SLC30A7: variants seen among roughly 807,000 people sequenced by gnomAD.
SLC30A7 encodes the protein solute carrier family 30 member 7, also known as zinc transporter 7.
In SLC30A7, 35 loss-of-function variants were observed where a neutral mutation model predicts 46.0. The observed-to-expected ratio is 0.76, with a 90% confidence interval of 0.58 to 1.01. The LOEUF (loss-of-function observed/expected upper bound fraction) is 1.01. Among genes scored for constraint, SLC30A7 ranks in the 50% least tolerant of loss-of-function variants. The pLI is 0.00. For synonymous variants in SLC30A7, 147 were observed against 157.8 expected, an observed-to-expected ratio of 0.93 and a Z score of 0.51; for missense variants, 464 against 451.1, an observed-to-expected ratio of 1.03 and a Z score of -0.26.
chr1:100,965,937 CT>C lies in SLC30A7; in HGVS notation c.1083+21del. 6.3e-7 allele frequency: 1 copy of C among 1,591,966 alleles called. No individual in the cohort carries two copies. Among genetic ancestry groups the C allele is most frequent in the Admixed American group, 1.8e-5 (1 of 54,626 alleles). On this transcript the variant is annotated intron_variant, in intron 10 of 10. Coordinates refer to ENST00000357650, the MANE Select transcript of SLC30A7 (RefSeq NM_133496.5). ...TACTCAGGTATGTCTTTTTTACTAA[CT>C]TCTTTTAAGGGCCTTAACATTTTTT...
intron 2 of SLC30A7, among the ~76,000 whole-genome samples, chr1:100,899,518 C>T (rs895214737): frequency 1.7e-4 from 26 of 152,156 alleles, no homozygotes; most frequent in African/African-American, 5.3e-4. Flanking sequence ...GTATCATCTA[C>T]GGTTAAGTTT....
intron 2 of SLC30A7, among the ~76,000 whole-genome samples, chr1:100,905,639 C>T (rs1358787155): frequency 6.6e-6 from 1 of 151,988 alleles, no homozygotes; most frequent in African/African-American, 2.4e-5. Flanking sequence ...CTTTGTTTAA[C>T]TTCTTTTGAC....
intron 8 of SLC30A7, among the ~76,000 whole-genome samples, chr1:100,959,924 C>T (rs369943361): frequency 9.0e-4 from 136 of 151,872 alleles, no homozygotes; most frequent in African/African-American, 3.0e-3. Context: ...GTAAAAGATA[C>T]GGATATTATT....
At chr1:100,928,427 G>T (rs1382057530) in intron 8 of SLC30A7, among the ~76,000 whole-genome samples, 1 of 151,918 alleles carries the variant, frequency 6.6e-6, no homozygotes, top group African/African-American at 2.4e-5. Context: ...AAGAGGCTGA[G>T]GATTTAATGA....
Position 100,896,223 on chromosome 1 carries a change from C to T in SLC30A7, c.-40C>T. Reference sequence around the variant, plus strand: ...CTGCCATCACCCCACGGAGCCACTTCTAGAGGGGAGTAGACCCGGCCCTTC... The same window carrying T: ...CTGCCATCACCCCACGGAGCCACTTTTAGAGGGGAGTAGACCCGGCCCTTC... On this transcript the variant is annotated 5_prime_UTR_variant, in exon 1 of 11. Coordinates refer to ENST00000357650, the MANE Select transcript of SLC30A7 (RefSeq NM_133496.5). 3 of 1,595,674 alleles carry T rather than the reference C, an allele frequency of 1.9e-6. No homozygotes were observed. Among genetic ancestry groups the T allele is most frequent in the East Asian group, 2.2e-5 (1 of 44,776 alleles).
the SLC30A7 span, chr1:100,990,154 T>C: frequency 4.3e-6 from 2 of 467,886 alleles, no homozygotes; most frequent in South Asian, 5.0e-5. Flanking sequence ...AGGCACCTCT[T>C]CACAGGGCGG....
At chr1:100,932,565 A>G (rs1002887206) in intron 8 of SLC30A7, among the ~76,000 whole-genome samples, 3 of 152,196 alleles carry the variant, frequency 2.0e-5, no homozygotes, top group African/African-American at 7.2e-5. Context: ...ATGATGGTAT[A>G]TATGTGTAGG....
At chr1:100,906,639 C>T (rs563471698) in intron 2 of SLC30A7, among the ~76,000 whole-genome samples, 3 of 152,234 alleles carry the variant, frequency 2.0e-5, no homozygotes, top group African/African-American at 7.2e-5. Flanking sequence ...CTACCTCTCT[C>T]GCAGCAGCTG....
At chr1:100,912,352 G>T in intron 5 of SLC30A7, 114 bp downstream of exon 5, 2 of 1,197,330 alleles carry the variant, frequency 1.7e-6, no homozygotes, top group South Asian at 1.5e-5. Context: ...CAGACTATGT[G>T]AATATCTTCC....
intron 8 of SLC30A7, among the ~76,000 whole-genome samples, chr1:100,954,229 T>A (rs1454007545): frequency 1.3e-5 from 2 of 152,212 alleles, no homozygotes; most frequent in Non-Finnish European, 2.9e-5. Context: ...TACTGCAGTG[T>A]GTGCAGAGCT....
At chr1:100,991,447 G>A in the SLC30A7 span, among the ~76,000 whole-genome samples, 1 of 152,116 alleles carries the variant, frequency 6.6e-6, no homozygotes, top group South Asian at 2.1e-4. Context: ...TTTGTTTCAC[G>A]ACTTTAACAT....
intron 10 of SLC30A7, among the ~76,000 whole-genome samples, chr1:100,970,061 AAACTC>A (rs1423579497): frequency 1.3e-5 from 2 of 152,182 alleles, no homozygotes; most frequent in African/African-American, 4.8e-5. Flanking sequence ...AAAAATAAGA[AAACTC>A]AAATTGCTCC....
intron 9 of SLC30A7, among the ~76,000 whole-genome samples, chr1:100,963,777 G>A (rs1488835953): frequency 4.6e-5 from 7 of 152,078 alleles, no homozygotes; most frequent in African/African-American, 1.7e-4. Flanking sequence ...CATATGTCTA[G>A]TGACTTTTGA....
intron 10 of SLC30A7, among the ~76,000 whole-genome samples, chr1:100,971,064 C>T (rs1287364416): frequency 6.6e-6 from 1 of 152,090 alleles, no homozygotes; most frequent in Non-Finnish European, 1.5e-5. Flanking sequence ...CAACTTCCTG[C>T]TTCAGCTTTT....
At chr1:100,964,579 TCA>T (rs1480729866) in intron 9 of SLC30A7, among the ~76,000 whole-genome samples, 1 of 152,068 alleles carries the variant, frequency 6.6e-6, no homozygotes, top group Admixed American at 6.5e-5. Flanking sequence ...TTCTACTGTA[TCA>T]CACTGCCCTT....
Position 100,896,249 on chromosome 1 carries a change from G to A in SLC30A7, c.-14G>A. The A allele has an allele frequency of 2.5e-6, 4 of 1,613,946 alleles. No homozygotes were observed. The highest frequency in any genetic ancestry group is 3.4e-6 in the Non-Finnish European group (4 of 1,179,814). On this transcript the variant is annotated 5_prime_UTR_variant, in exon 1 of 11. Coordinates refer to ENST00000357650, the MANE Select transcript of SLC30A7 (RefSeq NM_133496.5). The stretch of plus-strand genomic sequence containing the variant: ...TAGAGGGGAGTAGACCCGGCCCTTC[G>A]CCGGGCAGAGAAGATGTTGCCCCTG...
At chr1:100,944,145 C>T (rs566261076) in intron 8 of SLC30A7, among the ~76,000 whole-genome samples, 1 of 152,120 alleles carries the variant, frequency 6.6e-6, no homozygotes, top group African/African-American at 2.4e-5. Flanking sequence ...GCCTCCTGGC[C>T]TCAAGCCATC....
At chr1:100,903,327 T>C (rs1338873461) in intron 2 of SLC30A7, among the ~76,000 whole-genome samples, 1 of 152,124 alleles carries the variant, frequency 6.6e-6, no homozygotes, top group Non-Finnish European at 1.5e-5. Flanking sequence ...AATGGTTTTA[T>C]CACAGTATAG....
chr1:100,916,330 C>T (rs544520081), intron 6 of SLC30A7, among the ~76,000 whole-genome samples: 28 of 152,016 alleles, frequency 1.8e-4, no homozygotes, highest in African/African-American at 5.3e-4. Flanking sequence ...GGATTACAGG[C>T]GTGTGCCACC....
Sources: gnomAD v4.1 joint callset for allele counts (sites outside exome capture counted in the v4.1 genomes callset) on GRCh38, gnomAD v4.1.1 for gene constraint, MANE v1.5 for transcripts, NCBI Gene and HGNC (gene_info 2026-07-23, HGNC 2026-07-21) for gene names.